GGT5: variants seen among roughly 807,000 people sequenced by gnomAD.
The protein encoded by GGT5 is glutathione hydrolase 5 proenzyme.
GGT5 carries 50 observed loss-of-function variants against 58.1 expected under a neutral mutation model. The ratio of observed to expected loss-of-function variants is 0.86; its 90% CI spans 0.69 to 1.09. The LOEUF (loss-of-function observed/expected upper bound fraction) is 1.09, where lower values mean the gene tolerates loss of function less well. Among genes scored for constraint, GGT5 ranks in the 50% least tolerant of loss-of-function variants. GGT5 has a pLI of 0.00. For synonymous variants in GGT5, 370 were observed against 346.1 expected (o/e 1.07, Z -0.77); for missense variants, 800 against 789.4 (o/e 1.01, Z -0.16).
rs567298153 is a variant in GGT5, at chr22:24,234,152, G to T, written c.174-148C>A. ...CAGATTAGGTTGCAGAACACAACCA[G>T]GCTTCCCCATCAAATCCAGCTGCTC... On this transcript the variant is annotated intron_variant, in intron 1 of 11. Coordinates refer to ENST00000327365, the MANE Select transcript of GGT5 (RefSeq NM_004121.5). 2.0e-4 allele frequency: 144 copies of T among 711,190 alleles called. 1 individual carries two copies. Among genetic ancestry groups the T allele is most frequent in the African/African-American group, 1.7e-3 (97 of 56,600 alleles). 44.1% of individuals were successfully genotyped at this position (711,190 alleles called of 1,614,324 possible). A position where few individuals can be genotyped will look rare whatever the true frequency, so the allele number is the denominator to read the frequency against.
At chr22:24,229,371 ACTCCAGC>A (rs2047872138) in intron 6 of GGT5, among the ~76,000 whole-genome samples, 1 of 151,534 alleles carries the variant, frequency 6.6e-6, no homozygotes, top group African/African-American at 2.4e-5. Context: ...GCACCATTGC[ACTCCAGC>A]CTTGGCGACA....
Position 24,232,956 on chromosome 22 carries a change from C to T in GGT5, c.463G>A (p.Gly155Ser). The part of the protein sequence containing the change: ...RGYAEAHRRH[G>S]RLPWAQLFQP... ...AACAGCTGCGCCCAGGGCAGGCGGC[C>T]ATGGCGGCGGTGGGCCTCGGCATAG... Residue 155 changes from glycine to serine, a missense_variant, in exon 4 of 12, where the codon GGC becomes AGC. By Grantham distance (56) the Gly-to-Ser change is moderately conservative. Coordinates refer to ENST00000327365, the MANE Select transcript of GGT5 (RefSeq NM_004121.5). The T allele has an allele frequency of 3.2e-6, 5 of 1,566,820 alleles. No homozygotes were observed. Among genetic ancestry groups the T allele is most frequent in the Non-Finnish European group, 4.3e-6 (5 of 1,156,258 alleles).
In GGT5 at chr22:24,220,091, C is replaced by T. The variant is rs141036787; in HGVS notation, c.1640G>A (p.Arg547His). ...GGGCCTCTGGGTCTGGTTCTGGCCA[C>T]GGTCTTGGAGTCCCCTCTGCACCTC... Reference protein sequence around the residue: ...SQEVQRGLQDRGQNQTQRPFF... With the variant: ...SQEVQRGLQDHGQNQTQRPFF... The change falls in exon 12 of 12, where the codon CGT becomes CAT. Residue 547 changes from arginine to histidine, a missense_variant. Transcript: ENST00000327365. 5.9e-5 allele frequency: 96 copies of T among 1,614,042 alleles called. No homozygotes were observed. Among genetic ancestry groups the T allele is most frequent in the African/African-American group, 4.0e-4 (30 of 74,912 alleles).
chr22:24,219,740 G>A lies in GGT5; in HGVS notation c.*230C>T, dbSNP rs1034625501. 3.6e-6 allele frequency: 2 copies of A among 549,212 alleles called. No homozygotes were observed. Among genetic ancestry groups the A allele is most frequent in the Non-Finnish European group, 3.3e-6 (1 of 306,592 alleles). 34.0% of individuals were successfully genotyped at this position (549,212 alleles called of 1,614,324 possible). On this transcript the variant is annotated 3_prime_UTR_variant, in exon 12 of 12. Coordinates refer to ENST00000327365, the MANE Select transcript of GGT5 (RefSeq NM_004121.5). Reference sequence around the variant, plus strand: ...GAGTGGCCCCAGGCAAGAGGCCTGCGGAGGGATAGAGGGGCCGGTTCAGGA... The same window carrying A: ...GAGTGGCCCCAGGCAAGAGGCCTGCAGAGGGATAGAGGGGCCGGTTCAGGA...
chr22:24,220,269 A>G (rs1304933741), intron 11 of GGT5, among the ~76,000 whole-genome samples, 153 bp from the exon 12 acceptor site: 1 of 152,184 alleles, frequency 6.6e-6, no homozygotes, highest in African/African-American at 2.4e-5. Flanking sequence ...ACCAGATGGG[A>G]GCATGGAAGA....
intron 1 of GGT5, 156 bp downstream of exon 1, chr22:24,244,397 C>G: frequency 1.5e-6 from 1 of 688,626 alleles, no homozygotes; most frequent in African/African-American, 1.8e-5. Context: ...CTCACATACA[C>G]TCACACACAC....
At chr22:24,225,480 G>A (rs2047725408) in intron 9 of GGT5, 66 bp downstream of exon 9, 1 of 1,592,276 alleles carries the variant, frequency 6.3e-7, no homozygotes, top group Non-Finnish European at 8.6e-7. Flanking sequence ...CCCCAGCCCA[G>A]CCCCCTCCCT....
chr22:24,244,679 A>T lies in GGT5; in HGVS notation c.47T>A (p.Leu16Gln). ...CACAATGACAGCCAGCGCCAGCCCC[A>T]GACCCAGCAGGACTAGGCTGACCGT... ...GATVSLVLLG[L>Q]GLALAVIVLA... Residue 16 changes from leucine (L) to glutamine (Q), a missense_variant, in exon 1 of 12, where the codon CTG (leucine) becomes CAG (glutamine). Physicochemically the swap from Leu to Gln is moderately radical, Grantham distance 113. Transcript: ENST00000327365. 6.2e-7 allele frequency: 1 copy of T among 1,612,840 alleles called. No homozygotes were observed. The highest frequency in any genetic ancestry group is 8.5e-7 in the Non-Finnish European group (1 of 1,179,986).
At chr22:24,241,531 T>C (rs1290429653) in intron 1 of GGT5, 6 of 152,200 alleles carry the variant, frequency 3.9e-5, no homozygotes, top group Non-Finnish European at 7.3e-5. Flanking sequence ...ACCCATATTA[T>C]GGTGGGTAAT....
Position 24,220,051 on chromosome 22 carries a change from C to T in GGT5, c.1680G>A (p.Val560=), listed in dbSNP as rs2047544173. Residue 560 remains valine (V), a synonymous_variant, in exon 12 of 12, where the codon GTG becomes GTA. Transcript: ENST00000327365. ...CCCCCTCCTGGGACACAGCCTGGAC[C>T]ACGTTCAGGAAGAAGGGCCTCTGGG... ...NQTQRPFFLN[V]VQAVSQEGAC... The T allele has an allele frequency of 1.2e-6, 2 of 1,613,858 alleles. No homozygotes were observed. Among genetic ancestry groups the T allele is most frequent in the Non-Finnish European group, 1.7e-6 (2 of 1,179,850 alleles).
rs761281630 is a variant in GGT5 at position 24,226,251 on chromosome 22, G to A, written c.1054C>T (p.Leu352=). 6.2e-7 allele frequency: 1 copy of A among 1,601,138 alleles called. No individual in the cohort carries two copies. The highest frequency in any genetic ancestry group is 8.5e-7 in the Non-Finnish European group (1 of 1,176,348). ...AGCTGGGCCAGGGTCTCCCCCAGCAGGTCCCGGGAGGCATTCTGGGGTGGG... is the reference window on the plus strand; with the variant it reads ...AGCTGGGCCAGGGTCTCCCCCAGCAAGTCCCGGGAGGCATTCTGGGGTGGG... ...HPKLQNASRD[L]LGETLAQLIR... The change falls in exon 8 of 12, where the codon CTG becomes TTG. Residue 352 remains leucine (L), a synonymous_variant. Coordinates refer to ENST00000327365, the MANE Select transcript of GGT5 (RefSeq NM_004121.5).
intron 8 of GGT5, 40 bp downstream of exon 8, chr22:24,226,036 G>C: frequency 7.1e-7 from 1 of 1,409,114 alleles, no homozygotes; most frequent in Admixed American, 2.2e-5. Context: ...TCTAGGAGAG[G>C]AGGAGTGAAG....
At position 24,225,041 on chromosome 22, in the gene GGT5, A is replaced by C; in HGVS notation, c.1569T>G (p.His523Gln). ...LRAAIAAPILHVNSKGCVEYE... is the reference protein window; with the variant it reads ...LRAAIAAPILQVNSKGCVEYE... ...ACTCCACACAGCCCTTGCTGTTGACATGCAGGATGGGGGCTGCAATGGCCG... is the reference window on the plus strand; with the variant it reads ...ACTCCACACAGCCCTTGCTGTTGACCTGCAGGATGGGGGCTGCAATGGCCG... The change falls in exon 11 of 12, where the codon CAT becomes CAG. Residue 523 changes from histidine (H) to glutamine (Q), a missense_variant. Coordinates refer to ENST00000327365, the MANE Select transcript of GGT5 (RefSeq NM_004121.5). 2 of 1,602,180 alleles carry C rather than the reference A, an allele frequency of 1.2e-6. No individual in the cohort carries two copies. The highest frequency in any genetic ancestry group is 1.7e-6 in the Non-Finnish European group (2 of 1,174,306).
At position 24,219,674 on chromosome 22, in the gene GGT5, T is replaced by G; in HGVS notation, c.*296A>C. The G allele has an allele frequency of 5.7e-6, 2 of 349,898 alleles. No homozygotes were observed. Among genetic ancestry groups the G allele is most frequent in the Non-Finnish European group, 1.1e-5 (2 of 189,364 alleles). The allele number at this position is 349,898 out of a possible 1,614,324, so 21.7% of individuals were successfully genotyped here. A position where few individuals can be genotyped will look rare whatever the true frequency, so the allele number is the denominator to read the frequency against. On this transcript the variant is annotated 3_prime_UTR_variant, in exon 12 of 12. Transcript: ENST00000327365. ...TGGAATCAGGCCACAGTCCGCCTCT[T>G]TAATCTTGGACTGGAGGATATACAG...
upstream of GGT5, chr22:24,245,102 T>G (rs1418550282): frequency 4.8e-6 from 1 of 206,366 alleles, no homozygotes; most frequent in African/African-American, 2.3e-5. Flanking sequence ...CCTCAACTTC[T>G]GGTTTTCAGC....
At chr22:24,220,265 T>A in intron 11 of GGT5, 149 bp from the exon 12 acceptor site, 3 of 721,380 alleles carry the variant, frequency 4.2e-6, no homozygotes, top group Non-Finnish European at 6.9e-6. Context: ...GAGGACCAGA[T>A]GGGAGCATGG....
At position 24,241,624 on chromosome 22, in the gene GGT5, A is replaced by G. The variant is rs1184865741; in HGVS notation, c.173+2929T>C. ...CCAGCAAGATATTGACAAGTATTTG[A>G]CCAAACAACGGGGCACCAGAGCTTA... On this transcript the variant is annotated intron_variant, in intron 1 of 11. Transcript: ENST00000327365. The G allele has an allele frequency of 2.0e-5, 3 of 152,320 alleles. No homozygotes were observed. The East Asian group carries it at 5.8e-4, about 29-fold the overall frequency. 9.4% of individuals were successfully genotyped at this position (152,320 alleles called of 1,614,324 possible).
intron 6 of GGT5, among the ~76,000 whole-genome samples, chr22:24,228,011 T>C (rs914806400): frequency 7.7e-6 from 1 of 130,002 alleles, no homozygotes; most frequent in African/African-American, 3.0e-5. Context: ...ATTGCACCAC[T>C]GCACTCCAGC....
rs540422907 is a variant in GGT5, at chr22:24,225,980, G to A, written c.1229+96C>T. 8.1e-6 allele frequency: 7 copies of A among 861,564 alleles called. No individual in the cohort carries two copies. The Admixed American group carries it at 2.0e-4, about 25-fold the overall frequency. The allele number at this position is 861,564 out of a possible 1,614,324, so 53.4% of individuals were successfully genotyped here. ...AGAAAAAGGGCAAAAGCAAGGTGCT[G>A]CCCCGTGGGGACAAGTGAGGGGACA... On this transcript the variant is annotated intron_variant, in intron 8 of 11. Transcript: ENST00000327365.
Sources: allele counts gnomAD v4.1 joint callset (sites outside exome capture counted in the v4.1 genomes callset), GRCh38; gene constraint gnomAD v4.1.1; transcripts MANE v1.5; gene names NCBI Gene and HGNC (gene_info 2026-07-23, HGNC 2026-07-21).